The following CBLN2 variants were observed in gnomAD, a reference collection of about 807,000 sequenced individuals.
CBLN2 encodes cerebellin-2.
CBLN2 carries 7 observed loss-of-function variants against 15.0 expected under a neutral mutation model. The observed-to-expected ratio is 0.47, with a 90% CI of 0.27 to 0.88. The LOEUF (loss-of-function observed/expected upper bound fraction) is 0.88, where lower values mean the gene tolerates loss of function less well. Among genes scored for constraint, CBLN2 ranks in the 40% least tolerant of loss-of-function variants. The pLI, the probability that CBLN2 is intolerant of heterozygous loss-of-function variation, is 0.14. For synonymous variants in CBLN2, 149 were observed against 135.2 expected, an observed-to-expected ratio of 1.10 and a Z score of -0.71; for missense variants, 242 against 304.5, an observed-to-expected ratio of 0.79 and a Z score of 1.53.
At chr18:72,619,175 G>A in intron 1 of CBLN2, 1 of 774,992 alleles carries the variant, frequency 1.3e-6, no homozygotes, top group East Asian at 2.7e-5. Flanking sequence ...AAGGTGGCTG[G>A]GGTGGTTCCA....
Position 72,618,050 on chromosome 18 carries a change from A to T in CBLN2, c.15+20275T>A, listed in dbSNP as rs574817758. 7.2e-5 allele frequency among the ~76,000 whole-genome samples: 11 copies of T among 152,338 alleles called. No individual in the cohort carries two copies. In the South Asian group the frequency reaches 1.2e-3, roughly 17 times the overall value. ...GTTAAGGTTTGATAGGTTTATTTATAAGATTTTCAAGTAGAGTTTGAGTAT... is the reference window on the plus strand; with the variant it reads ...GTTAAGGTTTGATAGGTTTATTTATTAGATTTTCAAGTAGAGTTTGAGTAT... On this transcript the variant is annotated intron_variant, in intron 1 of 2. Coordinates refer to the CBLN2 transcript ENST00000581073.
chr18:72,550,225 A>G (rs2069183713), intron 1 of CBLN2, among the ~76,000 whole-genome samples: 1 of 152,252 alleles, frequency 6.6e-6, no homozygotes, highest in Admixed American at 6.5e-5. Context: ...TGGAACTGCT[A>G]TCTCATTGTA....
intron 1 of CBLN2, among the ~76,000 whole-genome samples, chr18:72,577,336 G>A (rs980159215): frequency 6.6e-6 from 1 of 151,914 alleles, no homozygotes; most frequent in East Asian, 1.9e-4. Context: ...ATTTTAAAAC[G>A]AATAGATGAG....
chr18:72,567,868 A>G (rs1277056099), intron 1 of CBLN2, among the ~76,000 whole-genome samples: 1 of 152,244 alleles, frequency 6.6e-6, no homozygotes, highest in Non-Finnish European at 1.5e-5. Context: ...TTGCAAGTAT[A>G]CATTGCATTT....
At chr18:72,618,766 C>T (rs552274218) in intron 1 of CBLN2, 2 of 728,144 alleles carry the variant, frequency 2.7e-6, no homozygotes, top group South Asian at 2.7e-5. Flanking sequence ...TCAGAAATAC[C>T]ATTCTGTGAA....
chr18:72,604,575 G>A (rs906980128), intron 1 of CBLN2, among the ~76,000 whole-genome samples: 10 of 152,224 alleles, frequency 6.6e-5, no homozygotes, highest in Non-Finnish European at 1.5e-5. Flanking sequence ...CAATGTGGCA[G>A]TATAGAGAGG....
chr18:72,601,535 C>T (rs900835615), intron 1 of CBLN2, among the ~76,000 whole-genome samples: 1 of 152,148 alleles, frequency 6.6e-6, no homozygotes, highest in Non-Finnish European at 1.5e-5. Flanking sequence ...AGTGGAGGCG[C>T]CTGTTAGCCC....
chr18:72,553,363 C>A (rs2069203108), intron 1 of CBLN2, among the ~76,000 whole-genome samples: 1 of 152,082 alleles, frequency 6.6e-6, no homozygotes, highest in African/African-American at 2.4e-5. Flanking sequence ...CGATAAACTT[C>A]TTTTTGTGGG....
intron 1 of CBLN2, among the ~76,000 whole-genome samples, chr18:72,610,215 C>T (rs1364353561): frequency 2.6e-5 from 4 of 152,056 alleles, no homozygotes; most frequent in Admixed American, 6.6e-5. Context: ...ACTCCTCTCC[C>T]CCATCTCTCT....
At chr18:72,603,695 T>A (rs2069564056) in intron 1 of CBLN2, among the ~76,000 whole-genome samples, 1 of 152,214 alleles carries the variant, frequency 6.6e-6, no homozygotes, top group Admixed American at 6.5e-5. Context: ...ACGTTCTCTC[T>A]GAAATGTTTA....
intron 1 of CBLN2, among the ~76,000 whole-genome samples, chr18:72,626,258 T>C (rs1161299957): frequency 6.6e-6 from 1 of 152,156 alleles, no homozygotes; most frequent in African/African-American, 2.4e-5. Flanking sequence ...TTACTTTCCC[T>C]GGGAGTATTT....
intron 1 of CBLN2, among the ~76,000 whole-genome samples, chr18:72,576,409 T>A (rs1045345167): frequency 6.6e-6 from 1 of 152,146 alleles, no homozygotes; most frequent in African/African-American, 2.4e-5. Context: ...ATTTTGCCAA[T>A]ATTTAAAAAG....
chr18:72,573,696 G>A (rs72634448), intron 1 of CBLN2, among the ~76,000 whole-genome samples: 5 of 152,096 alleles, frequency 3.3e-5, no homozygotes, highest in South Asian at 2.1e-4. Flanking sequence ...ATTTAACTAC[G>A]GAAATATCTT....
intron 3 of CBLN2, chr18:72,539,222 A>G (rs1230740206): frequency 5.4e-5 from 9 of 165,282 alleles, no homozygotes; most frequent in Non-Finnish European, 7.9e-5. Context: ...TTCCATTCTG[A>G]ATGGGTAGAG....
chr18:72,593,202 C>T (rs561878120), intron 1 of CBLN2, among the ~76,000 whole-genome samples: 14 of 152,076 alleles, frequency 9.2e-5, no homozygotes, highest in African/African-American at 3.1e-4. Flanking sequence ...AGAGATCTTC[C>T]ATTTCTTTGG....
intron 1 of CBLN2, among the ~76,000 whole-genome samples, chr18:72,581,308 C>T (rs1216910555): frequency 6.6e-6 from 1 of 152,136 alleles, no homozygotes; most frequent in Admixed American, 6.6e-5. Flanking sequence ...ATCAAGAGTT[C>T]CTATCTTCTG....
At chr18:72,616,927 C>A (rs2144961656) in intron 1 of CBLN2, among the ~76,000 whole-genome samples, 1 of 152,156 alleles carries the variant, frequency 6.6e-6, no homozygotes, top group Admixed American at 6.5e-5. Flanking sequence ...GCAATATATT[C>A]CTAAATGGTA....
chr18:72,635,946 C>A (rs1418100784), intron 1 of CBLN2, among the ~76,000 whole-genome samples: 1 of 152,110 alleles, frequency 6.6e-6, no homozygotes. Flanking sequence ...CCTGCAAATT[C>A]TTTTAAGGTA....
intron 1 of CBLN2, among the ~76,000 whole-genome samples, chr18:72,551,584 A>T (rs1460291045): frequency 6.6e-6 from 1 of 152,142 alleles, no homozygotes; most frequent in Non-Finnish European, 1.5e-5. Context: ...CCATCACTGA[A>T]GTCTATATGT....
Sources: allele counts gnomAD v4.1 joint callset (sites outside exome capture counted in the v4.1 genomes callset), GRCh38; gene constraint gnomAD v4.1.1; transcripts MANE v1.5; gene names NCBI Gene and HGNC (gene_info 2026-07-23, HGNC 2026-07-21).